Variants in EPB41L4B observed in about 807,000 individuals in gnomAD.
EPB41L4B encodes the protein erythrocyte membrane protein band 4.1 like 4B.
Under a neutral mutation model 112.5 loss-of-function variants are expected in EPB41L4B, and 30 were observed. The ratio of observed to expected loss-of-function variants is 0.27; its 90% CI spans 0.20 to 0.36. EPB41L4B has a LOEUF of 0.36. Ranked by LOEUF, EPB41L4B falls within the 10% of genes least tolerant of loss-of-function variation. The pLI, the probability that EPB41L4B is intolerant of heterozygous loss-of-function variation, is 1.00. For missense variants in EPB41L4B, 1,024 were observed against 1,133.3 expected, an observed-to-expected ratio of 0.90 and a Z score of 1.38; for synonymous variants, 408 against 439.7, an observed-to-expected ratio of 0.93 and a Z score of 0.90.
chr9:109,265,080 T>C (rs1482394887), intron 4 of EPB41L4B, 56 bp from the exon 5 acceptor site: 2 of 1,465,154 alleles, frequency 1.4e-6, no homozygotes, highest in African/African-American at 1.4e-5. Flanking sequence ...CTGCTCCCAA[T>C]CCCCAGCTTC....
At chr9:109,250,464 C>T (rs920617203) in intron 13 of EPB41L4B, among the ~76,000 whole-genome samples, 1 of 152,198 alleles carries the variant, frequency 6.6e-6, no homozygotes, top group East Asian at 1.9e-4. Flanking sequence ...GACTGAGAGC[C>T]TAATGAACCT....
At chr9:109,222,429 C>T (rs894235066) in intron 15 of EPB41L4B, among the ~76,000 whole-genome samples, 18 of 152,136 alleles carry the variant, frequency 1.2e-4, no homozygotes, top group African/African-American at 3.9e-4. Flanking sequence ...TGGATTGTGC[C>T]CTGCGGAACT....
intron 1 of EPB41L4B, among the ~76,000 whole-genome samples, chr9:109,315,515 C>T (rs1215348577): frequency 6.6e-6 from 1 of 152,188 alleles, no homozygotes; most frequent in African/African-American, 2.4e-5. Context: ...TGTGTTAGGA[C>T]GTGGGGTTAG....
At chr9:109,241,757 C>T (rs1266707503) in intron 15 of EPB41L4B, 3 of 1,614,054 alleles carry the variant, frequency 1.9e-6, no homozygotes, top group Non-Finnish European at 1.7e-6. Flanking sequence ...AAATGGCTGT[C>T]ATCTCCACTG....
At chr9:109,243,812 C>A in intron 14 of EPB41L4B, 130 bp from the exon 15 acceptor site, 1 of 828,684 alleles carries the variant, frequency 1.2e-6, no homozygotes, top group Admixed American at 2.2e-5. Flanking sequence ...TAGACCCTGG[C>A]TAGGGGGTGG....
chr9:109,273,817 T>A (rs147753386), intron 2 of EPB41L4B, among the ~76,000 whole-genome samples: 1 of 152,200 alleles, frequency 6.6e-6, no homozygotes, highest in Non-Finnish European at 1.5e-5. Context: ...AGTTGTAACA[T>A]AGATCCCCAT....
intron 15 of EPB41L4B, among the ~76,000 whole-genome samples, chr9:109,220,086 C>T (rs574752145): frequency 2.0e-5 from 3 of 152,192 alleles, no homozygotes; most frequent in Non-Finnish European, 4.4e-5. Context: ...ATTATAAGCT[C>T]CAGTAAATGC....
At chr9:109,186,772 T>G (rs931757890) in intron 22 of EPB41L4B, among the ~76,000 whole-genome samples, 9 of 152,204 alleles carry the variant, frequency 5.9e-5, no homozygotes, top group African/African-American at 2.2e-4. Flanking sequence ...CATGATCCAT[T>G]GTGCCCAGCT....
At chr9:109,199,113 G>A (rs893413149) in intron 20 of EPB41L4B, among the ~76,000 whole-genome samples, 1 of 152,122 alleles carries the variant, frequency 6.6e-6, no homozygotes. Context: ...ATTCCCTAAC[G>A]ATGCCTAGAA....
chr9:109,201,221 T>C (rs934390702), intron 19 of EPB41L4B, among the ~76,000 whole-genome samples: 3 of 151,822 alleles, frequency 2.0e-5, no homozygotes, highest in Non-Finnish European at 4.4e-5. Context: ...GAGGCTGAGG[T>C]GGGCAGATGA....
intron 2 of EPB41L4B, among the ~76,000 whole-genome samples, chr9:109,272,590 T>TA (rs1187696441): frequency 6.6e-6 from 1 of 152,018 alleles, no homozygotes; most frequent in Non-Finnish European, 1.5e-5. Flanking sequence ...CCATCTCTGT[T>TA]AAAAATACAA....
rs1227589235 is a variant in EPB41L4B at position 109,176,577 on chromosome 9, G to C, written c.2607C>G (p.Thr869=). ...TVSTVQTIYT[T]RKPVSLAASA... ...TGGCTGCCAGAGAAACAGGTTTCCG[G>C]GTGGTGTAAATGGTCTGCACTGTGG... is the stretch of plus-strand genomic sequence containing the variant. Residue 869 remains threonine, a synonymous_variant, in exon 25 of 26, where the codon ACC becomes ACG. Coordinates refer to ENST00000374566, the MANE Select transcript of EPB41L4B (RefSeq NM_019114.5). The C allele has an allele frequency of 6.2e-7, 1 of 1,610,862 alleles. No homozygotes were observed. The highest frequency in any genetic ancestry group is 1.3e-5 in the African/African-American group (1 of 74,906).
At chr9:109,310,400 T>C (rs998665243) in intron 1 of EPB41L4B, among the ~76,000 whole-genome samples, 11 of 152,062 alleles carry the variant, frequency 7.2e-5, no homozygotes, top group Non-Finnish European at 1.5e-4. Flanking sequence ...TTTCACAGCA[T>C]TGGTGATGGT....
At chr9:109,180,893 T>C (rs1832028782) in intron 24 of EPB41L4B, among the ~76,000 whole-genome samples, 1 of 152,228 alleles carries the variant, frequency 6.6e-6, no homozygotes, top group South Asian at 2.1e-4. Flanking sequence ...TTGCTCATTA[T>C]ACAGTGAGCT....
intron 1 of EPB41L4B, among the ~76,000 whole-genome samples, chr9:109,313,174 C>G (rs1837482871): frequency 1.3e-5 from 2 of 152,222 alleles, no homozygotes; most frequent in Non-Finnish European, 2.9e-5. Flanking sequence ...TCTGTTTACT[C>G]TGTCTGCCCC....
chr9:109,249,032 C>A (rs1834671909), intron 13 of EPB41L4B, among the ~76,000 whole-genome samples: 1 of 144,784 alleles, frequency 6.9e-6, no homozygotes, highest in Non-Finnish European at 1.5e-5. Context: ...GCACTCTAGC[C>A]TGGGCGACAG....
intron 19 of EPB41L4B, among the ~76,000 whole-genome samples, chr9:109,202,660 G>A (rs987733241): frequency 1.3e-5 from 2 of 152,188 alleles, no homozygotes; most frequent in Admixed American, 1.3e-4. Flanking sequence ...GGGGAGGAAG[G>A]ACTTCCTCTG....
intron 24 of EPB41L4B, among the ~76,000 whole-genome samples, chr9:109,179,275 C>T (rs1483811249): frequency 6.6e-6 from 1 of 152,256 alleles, no homozygotes; most frequent in Admixed American, 6.5e-5. Flanking sequence ...GCTAGATCGA[C>T]TGCCAGACCA....
chr9:109,199,962 C>T (rs1407990954), intron 20 of EPB41L4B, among the ~76,000 whole-genome samples: 1 of 152,164 alleles, frequency 6.6e-6, no homozygotes, highest in African/African-American at 2.4e-5. Context: ...GCCCCGACCC[C>T]CACTCCACAG....
Sources: gnomAD v4.1 joint callset for allele counts (sites outside exome capture counted in the v4.1 genomes callset) on GRCh38, gnomAD v4.1.1 for gene constraint, MANE v1.5 for transcripts, NCBI Gene and HGNC (gene_info 2026-07-23, HGNC 2026-07-21) for gene names.